The following MAGI2 variants were observed in gnomAD, a reference collection of about 807,000 sequenced individuals.
The protein encoded by MAGI2 is membrane-associated guanylate kinase, WW and PDZ domain-containing protein 2.
In MAGI2, 35 loss-of-function variants were observed where a neutral mutation model predicts 133.3. The observed-to-expected ratio is 0.26, with a 90% CI of 0.20 to 0.35. The LOEUF is 0.35. Ranked by LOEUF, MAGI2 falls within the 10% of genes least tolerant of loss-of-function variation. The pLI, the probability that MAGI2 is intolerant of heterozygous loss-of-function variation, is 1.00. For missense variants in MAGI2, 1,636 were observed against 1,863.4 expected (o/e 0.88, Z 2.25); for synonymous variants, 729 against 710.6 (o/e 1.03, Z -0.41).
At chr7:78,728,816 C>T (rs1302599279) in intron 2 of MAGI2, among the ~76,000 whole-genome samples, 1 of 124,596 alleles carries the variant, frequency 8.0e-6, no homozygotes, top group Non-Finnish European at 1.8e-5. Flanking sequence ...CCGCCCGCCT[C>T]GGCCTCCCAA....
intron 2 of MAGI2, among the ~76,000 whole-genome samples, chr7:78,791,881 G>C (rs1787181042): frequency 6.6e-6 from 1 of 152,044 alleles, no homozygotes; most frequent in Non-Finnish European, 1.5e-5. Context: ...AACACAGTAG[G>C]GGGTAGGTCA....
intron 2 of MAGI2, among the ~76,000 whole-genome samples, chr7:78,995,795 G>T (rs1272698677): frequency 6.6e-6 from 1 of 152,054 alleles, no homozygotes; most frequent in Non-Finnish European, 1.5e-5. Context: ...ACTTTCCAGA[G>T]CTTCTGTTAC....
intron 6 of MAGI2, among the ~76,000 whole-genome samples, chr7:78,454,578 A>C (rs1789101123): frequency 6.6e-6 from 1 of 152,210 alleles, no homozygotes; most frequent in Non-Finnish European, 1.5e-5. Flanking sequence ...TATTTATCCA[A>C]ATGAGTTCAA....
chr7:78,303,765 T>G (rs62463912), intron 9 of MAGI2, among the ~76,000 whole-genome samples: 6,933 of 152,276 alleles, frequency 0.046, 226 homozygotes, highest in South Asian at 0.12. Flanking sequence ...CTAATTCCCT[T>G]GGTGATCTCA....
At chr7:78,768,304 A>G (rs531460130) in intron 2 of MAGI2, among the ~76,000 whole-genome samples, 37 of 152,044 alleles carry the variant, frequency 2.4e-4, no homozygotes, top group Non-Finnish European at 4.6e-4. Context: ...CACCTCACCT[A>G]TTGTTTTGTT....
At chr7:78,855,027 GT>G (rs35464655) in intron 2 of MAGI2, among the ~76,000 whole-genome samples, 45,270 of 148,616 alleles carry the variant, frequency 0.3, 6,961 homozygotes, top group South Asian at 0.47. Flanking sequence ...AAATTTTTCT[GT>G]TTTTTTTTTG....
chr7:78,913,126 T>A (rs1798540703), intron 2 of MAGI2, among the ~76,000 whole-genome samples: 1 of 152,056 alleles, frequency 6.6e-6, no homozygotes, highest in Non-Finnish European at 1.5e-5. Context: ...TATATTGGAC[T>A]AAGCATTTTG....
At chr7:78,981,374 T>C (rs1386681401) in intron 2 of MAGI2, among the ~76,000 whole-genome samples, 3 of 151,636 alleles carry the variant, frequency 2.0e-5, no homozygotes, top group Non-Finnish European at 4.4e-5. Context: ...AGACAAAACC[T>C]CCATGTTATT....
chr7:78,934,018 C>T (rs1800332904), intron 2 of MAGI2, among the ~76,000 whole-genome samples: 1 of 152,064 alleles, frequency 6.6e-6, no homozygotes, highest in Non-Finnish European at 1.5e-5. Context: ...TCAAGCCTGC[C>T]ATTGTCTGTT....
At chr7:78,079,143 C>A (rs1174953197) in intron 20 of MAGI2, 58 bp from the exon 21 acceptor site, 3 of 1,516,654 alleles carry the variant, frequency 2.0e-6, no homozygotes, top group South Asian at 2.4e-5. Flanking sequence ...GTTGCATTGT[C>A]AACAGATTAA....
At chr7:78,100,167 C>T (rs1331597486) in intron 20 of MAGI2, among the ~76,000 whole-genome samples, 2 of 152,120 alleles carry the variant, frequency 1.3e-5, no homozygotes, top group Non-Finnish European at 2.9e-5. Context: ...TAGTACTTTG[C>T]GTCGCTTCCC....
At chr7:79,304,057 G>A (rs4727842) in intron 1 of MAGI2, among the ~76,000 whole-genome samples, 145,814 of 152,168 alleles carry the variant, frequency 0.96, 69,942 homozygotes, top group Non-Finnish European at 0.98. Context: ...ATCTCCATTC[G>A]TGCCCTTTTA....
intron 12 of MAGI2, among the ~76,000 whole-genome samples, chr7:78,191,048 A>G (rs528840059): frequency 5.3e-5 from 8 of 152,256 alleles, no homozygotes; most frequent in Middle Eastern, 3.4e-3. Flanking sequence ...GAAGTTGGGG[A>G]GATTTTTGTT....
In MAGI2 at chr7:79,249,488, A is replaced by G. The variant is rs371150195; in HGVS notation, c.301+203532T>C. On this transcript the variant is annotated intron_variant, in intron 1 of 21. Coordinates refer to ENST00000354212, the MANE Select transcript of MAGI2 (RefSeq NM_012301.4). ...AGACATTACAATCATTAACATAGAA[A>G]TTCAAAGGATCATTAGAAGCTACTA... Among the ~76,000 whole-genome samples, 19 of 152,262 alleles carry G rather than the reference A, an allele frequency of 1.2e-4. No homozygotes were observed. In the South Asian group the frequency reaches 2.3e-3, roughly 18 times the overall value.
intron 1 of MAGI2, among the ~76,000 whole-genome samples, chr7:79,270,185 A>T (rs1408689581): frequency 6.6e-6 from 1 of 152,016 alleles, no homozygotes; most frequent in Non-Finnish European, 1.5e-5. Context: ...AGCAGCACCC[A>T]TTCTCCAGCT....
chr7:79,404,756 T>G (rs1845693169), intron 1 of MAGI2, among the ~76,000 whole-genome samples: 1 of 152,058 alleles, frequency 6.6e-6, no homozygotes, highest in African/African-American at 2.4e-5. Flanking sequence ...AAAGCTCATA[T>G]CCCTCTATAT....
At chr7:79,039,913 TA>T (rs1435782301) in intron 1 of MAGI2, among the ~76,000 whole-genome samples, 1 of 148,892 alleles carries the variant, frequency 6.7e-6, no homozygotes, top group East Asian at 2.0e-4. Context: ...TATTCAGCCA[TA>T]AAAAGAAGAA....
chr7:79,442,274 A>G (rs1265425059), intron 1 of MAGI2, among the ~76,000 whole-genome samples: 3 of 152,208 alleles, frequency 2.0e-5, no homozygotes, highest in Non-Finnish European at 2.9e-5. Context: ...AGGGTTAAAA[A>G]TATCACTGAT....
chr7:78,790,582 C>A (rs1827169154), intron 2 of MAGI2, among the ~76,000 whole-genome samples: 1 of 151,942 alleles, frequency 6.6e-6, no homozygotes, highest in Admixed American at 6.6e-5. Flanking sequence ...TACAGGCGCC[C>A]ACCACCATGC....
Sources: gnomAD v4.1 joint callset for allele counts (sites outside exome capture counted in the v4.1 genomes callset) on GRCh38, gnomAD v4.1.1 for gene constraint, MANE v1.5 for transcripts, NCBI Gene and HGNC (gene_info 2026-07-23, HGNC 2026-07-21) for gene names.